The following SEMA3E variants were observed in gnomAD, a reference collection of about 807,000 sequenced individuals.
SEMA3E encodes the protein semaphorin 3E.
SEMA3E carries 49 observed loss-of-function variants against 93.6 expected under a neutral mutation model. The ratio of observed to expected loss-of-function variants is 0.52; its 90% CI spans 0.42 to 0.66. The LOEUF (loss-of-function observed/expected upper bound fraction) is 0.66. SEMA3E is among the 30% of genes least tolerant of loss of function. SEMA3E has a pLI of 0.00. For synonymous variants in SEMA3E, 363 were observed against 330.7 expected (o/e 1.10, Z -1.06); for missense variants, 906 against 964.8 (o/e 0.94, Z 0.81).
At chr7:83,558,767 C>A (rs1791969969) in intron 1 of SEMA3E, among the ~76,000 whole-genome samples, 2 of 151,832 alleles carry the variant, frequency 1.3e-5, no homozygotes, top group Admixed American at 6.6e-5. Context: ...AAACTCCTAC[C>A]TTAAGTGTTA....
chr7:83,549,754 G>T (rs560589023), intron 1 of SEMA3E, among the ~76,000 whole-genome samples: 1 of 151,886 alleles, frequency 6.6e-6, no homozygotes. Context: ...AAAGTTCTAG[G>T]CTTCCTCATG....
chr7:83,425,421 C>T (rs1195961036), intron 4 of SEMA3E, among the ~76,000 whole-genome samples: 1 of 151,860 alleles, frequency 6.6e-6, no homozygotes, highest in Non-Finnish European at 1.5e-5. Context: ...GCTTCTTTAC[C>T]ACTTATCACC....
At chr7:83,531,069 A>T (rs997951332) in intron 1 of SEMA3E, among the ~76,000 whole-genome samples, 1 of 152,138 alleles carries the variant, frequency 6.6e-6, no homozygotes, top group Non-Finnish European at 1.5e-5. Flanking sequence ...AACAGAATGT[A>T]GTATTTGCAA....
chr7:83,627,628 C>CTTTTTTTT (rs746550123), intron 1 of SEMA3E, among the ~76,000 whole-genome samples: 12 of 65,350 alleles, frequency 1.8e-4, no homozygotes, highest in Non-Finnish European at 2.6e-4. Flanking sequence ...GCAACCCCTG[C>CTTTTTTTT]TTTTTTTTTT....
At chr7:83,506,737 A>G (rs1395237227) in intron 1 of SEMA3E, among the ~76,000 whole-genome samples, 2 of 152,220 alleles carry the variant, frequency 1.3e-5, no homozygotes, top group Non-Finnish European at 2.9e-5. Context: ...TTACTCAGAA[A>G]ACAAGTAAGT....
intron 4 of SEMA3E, among the ~76,000 whole-genome samples, chr7:83,464,590 T>A (rs1178921345): frequency 2.1e-5 from 3 of 144,912 alleles, no homozygotes; most frequent in Non-Finnish European, 3.0e-5. Context: ...AGGCACTCTC[T>A]AATCAGATAT....
intron 4 of SEMA3E, among the ~76,000 whole-genome samples, chr7:83,449,752 T>C (rs1220970298): frequency 6.6e-6 from 1 of 152,184 alleles, no homozygotes; most frequent in Non-Finnish European, 1.5e-5. Flanking sequence ...CCTAATTACA[T>C]ACATTATACA....
At chr7:83,562,706 T>C (rs1792056944) in intron 1 of SEMA3E, among the ~76,000 whole-genome samples, 3 of 152,130 alleles carry the variant, frequency 2.0e-5, no homozygotes, top group Admixed American at 2.0e-4. Context: ...CTAAGACCTT[T>C]ACAAGTGGCT....
intron 1 of SEMA3E, among the ~76,000 whole-genome samples, chr7:83,584,281 C>T (rs896370868): frequency 1.1e-4 from 16 of 151,848 alleles, no homozygotes; most frequent in African/African-American, 3.9e-4. Flanking sequence ...AAGTTACTTG[C>T]CCAAGTTACG....
chr7:83,451,700 C>G (rs2466439), intron 4 of SEMA3E, among the ~76,000 whole-genome samples: 95,499 of 152,166 alleles, frequency 0.63, 33,513 homozygotes, highest in East Asian at 1. Context: ...AAGTGGGGCT[C>G]CAACTACTTA....
chr7:83,520,050 C>A (rs184368760), intron 1 of SEMA3E, among the ~76,000 whole-genome samples: 2 of 152,090 alleles, frequency 1.3e-5, no homozygotes, highest in Non-Finnish European at 2.9e-5. Context: ...ATAAGGCTTA[C>A]GATAAAATCA....
intron 14 of SEMA3E, among the ~76,000 whole-genome samples, chr7:83,390,045 G>A (rs111211819): frequency 0.44 from 11,839 of 26,704 alleles, 1,747 homozygotes; most frequent in African/African-American, 0.56. Context: ...ACACATATAT[G>A]CGCGTATACG....
intron 4 of SEMA3E, among the ~76,000 whole-genome samples, chr7:83,454,503 T>C (rs1562789587): frequency 6.6e-6 from 1 of 151,840 alleles, no homozygotes; most frequent in African/African-American, 2.4e-5. Context: ...ATGATCTCAG[T>C]TGTGAAAGAG....
At chr7:83,422,707 G>A (rs1353576297) in intron 4 of SEMA3E, among the ~76,000 whole-genome samples, 1 of 152,194 alleles carries the variant, frequency 6.6e-6, no homozygotes, top group East Asian at 1.9e-4. Context: ...AATGACTGAT[G>A]AGGTTGTTTT....
intron 1 of SEMA3E, among the ~76,000 whole-genome samples, chr7:83,495,854 C>T (rs1790480262): frequency 2.6e-5 from 4 of 151,984 alleles, no homozygotes; most frequent in African/African-American, 9.6e-5. Context: ...CTATATTACA[C>T]AAATTTTCTC....
At chr7:83,490,372 G>T in intron 1 of SEMA3E, 98 bp from the exon 2 acceptor site, 1 of 1,212,236 alleles carries the variant, frequency 8.2e-7, no homozygotes, top group Non-Finnish European at 1.2e-6. Flanking sequence ...TATTGGAACT[G>T]AGTCATTAAC....
chr7:83,428,858 G>T (rs1788827230), intron 4 of SEMA3E, among the ~76,000 whole-genome samples: 1 of 152,128 alleles, frequency 6.6e-6, no homozygotes, highest in Admixed American at 6.5e-5. Flanking sequence ...AGTAAACAGG[G>T]TCAATAATAT....
chr7:83,401,484 T>C (rs1330494421), intron 10 of SEMA3E, among the ~76,000 whole-genome samples: 1 of 152,086 alleles, frequency 6.6e-6, no homozygotes, highest in African/African-American at 2.4e-5. Context: ...AGCAGTTCCA[T>C]AACCAGTCGC....
intron 1 of SEMA3E, among the ~76,000 whole-genome samples, chr7:83,632,141 G>A (rs1584376784): frequency 6.7e-6 from 1 of 149,474 alleles, no homozygotes; most frequent in African/African-American, 2.5e-5. Context: ...GGCAACAAAG[G>A]TGGAACTCCA....
Sources: gnomAD v4.1 joint callset for allele counts (sites outside exome capture counted in the v4.1 genomes callset) on GRCh38, gnomAD v4.1.1 for gene constraint, MANE v1.5 for transcripts, NCBI Gene and HGNC (gene_info 2026-07-23, HGNC 2026-07-21) for gene names.